METTL8: variants seen among roughly 807,000 people sequenced by gnomAD.
The protein encoded by METTL8 is tRNA N(3)-cytidine methyltransferase METTL8, mitochondrial.
A neutral mutation model predicts 48.7 loss-of-function variants in METTL8; 32 were observed. The ratio of observed to expected loss-of-function variants is 0.66; its 90% CI spans 0.50 to 0.88. The LOEUF is 0.88. Ranked by LOEUF, METTL8 falls within the 40% of genes least tolerant of loss-of-function variation. The pLI is 0.00. For missense variants in METTL8, 464 were observed against 474.4 expected (o/e 0.98, Z 0.20); for synonymous variants, 136 against 157.1 (o/e 0.87, Z 1.01).
intron 1 of METTL8, among the ~76,000 whole-genome samples, chr2:171,414,445 G>C (rs1181994344): frequency 6.6e-6 from 1 of 151,014 alleles, no homozygotes; most frequent in Non-Finnish European, 1.5e-5. Context: ...TCTTGCTAAA[G>C]GCTGGCCCCA....
intron 2 of METTL8, among the ~76,000 whole-genome samples, chr2:171,368,974 CA>C (rs1193496525): frequency 6.6e-6 from 1 of 151,692 alleles, no homozygotes; most frequent in Admixed American, 6.6e-5. Context: ...AGTGTAATAT[CA>C]AAAAAAACCC....
At chr2:171,386,222 C>CA (rs1051654080) in intron 2 of METTL8, among the ~76,000 whole-genome samples, 8 of 151,766 alleles carry the variant, frequency 5.3e-5, no homozygotes, top group South Asian at 2.1e-4. Context: ...ATGAAGAAAA[C>CA]AAAAAAAATT....
chr2:171,403,264 T>C (rs1381319726), intron 1 of METTL8, among the ~76,000 whole-genome samples: 1 of 152,180 alleles, frequency 6.6e-6, no homozygotes, highest in Non-Finnish European at 1.5e-5. Context: ...ACAGTGATAG[T>C]GCTGATAGCA....
At chr2:171,396,917 G>A (rs181795410) in intron 1 of METTL8, among the ~76,000 whole-genome samples, 3 of 149,904 alleles carry the variant, frequency 2.0e-5, no homozygotes, top group African/African-American at 4.9e-5. Context: ...GCAATGGCAC[G>A]ATCATAGCTC....
chr2:171,367,042 A>C (rs533872557), intron 2 of METTL8, among the ~76,000 whole-genome samples: 1 of 152,168 alleles, frequency 6.6e-6, no homozygotes, highest in Non-Finnish European at 1.5e-5. Context: ...AACCTGTGGG[A>C]TAATACCAAT....
At chr2:171,329,815 A>G (rs1369440500) in intron 7 of METTL8, among the ~76,000 whole-genome samples, 1 of 152,236 alleles carries the variant, frequency 6.6e-6, no homozygotes, top group Non-Finnish European at 1.5e-5. Context: ...ATCTTCCACC[A>G]GGGAACTGTG....
intron 1 of METTL8, among the ~76,000 whole-genome samples, chr2:171,415,912 T>G (rs916947086): frequency 3.9e-5 from 6 of 152,082 alleles, no homozygotes; most frequent in Non-Finnish European, 7.4e-5. Context: ...GGCAGATGAT[T>G]ATGGATGCTG....
chr2:171,381,780 CTTT>C (rs35185395), intron 2 of METTL8, among the ~76,000 whole-genome samples: 19 of 125,658 alleles, frequency 1.5e-4, no homozygotes, highest in Non-Finnish European at 1.3e-4. Flanking sequence ...ATTAGGAACA[CTTT>C]TTTTTTTTTT....
intron 6 of METTL8, 143 bp downstream of exon 6, chr2:171,331,661 C>T (rs1685547451): frequency 4.9e-6 from 3 of 609,216 alleles, no homozygotes; most frequent in Non-Finnish European, 9.1e-6. Context: ...AGGTGATCCA[C>T]CCACCTTGGC....
rs915495231 is a variant in METTL8 at position 171,372,752 on chromosome 2, C to T, written c.144-12239G>A. Among the ~76,000 whole-genome samples, 58 of 152,182 alleles carry T rather than the reference C, an allele frequency of 3.8e-4. 1 individual carries two copies. The highest frequency in any genetic ancestry group is 1.0e-3 in the Admixed American group (16 of 15,270). On this transcript the variant is annotated intron_variant, in intron 2 of 9. Transcript: ENST00000375258. ...TGTGGTGTTTAGTTTTCTGTCCTTG[C>T]GATAGTTTGCTGAGAATGATGGTTT...
chr2:171,426,002 C>A (rs1692379355), intron 1 of METTL8, among the ~76,000 whole-genome samples: 1 of 151,932 alleles, frequency 6.6e-6, no homozygotes, highest in Non-Finnish European at 1.5e-5. Context: ...ACTAAAAATA[C>A]AAAAATTAGC....
At chr2:171,427,333 T>G (rs1420654568) in intron 1 of METTL8, among the ~76,000 whole-genome samples, 1 of 152,216 alleles carries the variant, frequency 6.6e-6, no homozygotes, top group East Asian at 1.9e-4. Flanking sequence ...CCTTCCACAA[T>G]GTATTTTCCA....
intron 2 of METTL8, among the ~76,000 whole-genome samples, chr2:171,367,467 T>G (rs1256360824): frequency 6.6e-6 from 1 of 152,128 alleles, no homozygotes; most frequent in Non-Finnish European, 1.5e-5. Flanking sequence ...AAAGACATTT[T>G]CAGATAAACA....
At chr2:171,354,454 G>A (rs932055160) in intron 3 of METTL8, among the ~76,000 whole-genome samples, 28 of 152,024 alleles carry the variant, frequency 1.8e-4, no homozygotes, top group Non-Finnish European at 3.2e-4. Context: ...TGCTCTTCTC[G>A]AGGAGTATCT....
chr2:171,386,739 C>A (rs1200980606), intron 2 of METTL8, among the ~76,000 whole-genome samples: 1 of 152,098 alleles, frequency 6.6e-6, no homozygotes, highest in Non-Finnish European at 1.5e-5. Context: ...CCCACATGAA[C>A]CTAGGTGAGG....
chr2:171,369,990 T>A (rs1375075405), intron 2 of METTL8, among the ~76,000 whole-genome samples: 1 of 151,134 alleles, frequency 6.6e-6, no homozygotes, highest in Non-Finnish European at 1.5e-5. Context: ...CGCTTGAACC[T>A]GGGAGGCAGA....
intron 5 of METTL8, among the ~76,000 whole-genome samples, chr2:171,334,824 G>A (rs1273733456): frequency 6.6e-6 from 1 of 152,164 alleles, no homozygotes; most frequent in Admixed American, 6.5e-5. Flanking sequence ...GCAAGTGGGG[G>A]AATGAGAGAT....
chr2:171,433,200 G>GA (rs1384357986), intron 1 of METTL8: 1 of 152,202 alleles, frequency 6.6e-6, no homozygotes, highest in Non-Finnish European at 1.5e-5. Flanking sequence ...TGAGATGTGG[G>GA]AGGCAGTACC....
rs970196724 is a variant in METTL8 at position 171,317,584 on chromosome 2, A to G, written c.*6588T>C. 7 of 152,238 alleles carry G rather than the reference A, an allele frequency of 4.6e-5. No individual in the cohort carries two copies. Among genetic ancestry groups the G allele is most frequent in the African/African-American group, 1.7e-4 (7 of 41,464 alleles). The allele number at this position is 152,238 out of a possible 1,614,324, so 9.4% of individuals were successfully genotyped here. On this transcript the variant is annotated 3_prime_UTR_variant, in exon 10 of 10. Transcript: ENST00000375258. ...ACACTATTTGAAGTCTATGTGCTCA[A>G]GTATTGCTTTTTTTCCCTCTTTATG...
Sources: allele counts gnomAD v4.1 joint callset (sites outside exome capture counted in the v4.1 genomes callset), GRCh38; gene constraint gnomAD v4.1.1; transcripts MANE v1.5; gene names NCBI Gene and HGNC (gene_info 2026-07-23, HGNC 2026-07-21).